Variants in PATJ observed in about 807,000 individuals in gnomAD.
PATJ encodes inaD-like protein.
A neutral mutation model predicts 224.9 loss-of-function variants in PATJ; 190 were observed. That is an observed-to-expected ratio of 0.84 (90% CI 0.75 to 0.95). The LOEUF is 0.95. PATJ is among the 40% of genes least tolerant of loss of function. The pLI, the probability that PATJ is intolerant of heterozygous loss-of-function variation, is 0.00. For synonymous variants in PATJ, 769 were observed against 820.3 expected (o/e 0.94, Z 1.07); for missense variants, 2,121 against 2,270.3 (o/e 0.93, Z 1.34).
At chr1:62,125,254 C>A (rs12131297) in intron 39 of PATJ, among the ~76,000 whole-genome samples, 12,549 of 69,724 alleles carry the variant, frequency 0.18, 1,604 homozygotes, top group East Asian at 0.74. Context: ...AAAAAAAAAA[C>A]AAAAAAAAAC....
Position 61,927,266 on chromosome 1 carries a change from CTT to C in PATJ, c.3571-461_3571-460del, listed in dbSNP as rs1463419844. Among the ~76,000 whole-genome samples, 3 of 152,152 alleles carry C rather than the reference CTT, an allele frequency of 2.0e-5. No homozygotes were observed. In the East Asian group the frequency reaches 5.8e-4, roughly 29 times the overall value. On this transcript the variant is annotated intron_variant, in intron 26 of 43. Coordinates refer to ENST00000642238, the MANE Select transcript of PATJ (RefSeq NM_001350145.3). The stretch of plus-strand genomic sequence containing the variant: ...TAGAAAATCTTGGTATGTCACGTGT[CTT>C]TTAAAGAATAAAATCTGTAACTTCT...
intron 14 of PATJ, among the ~76,000 whole-genome samples, chr1:61,816,012 A>T (rs1278298103): frequency 6.6e-6 from 1 of 152,236 alleles, no homozygotes; most frequent in Non-Finnish European, 1.5e-5. Context: ...GAGCATCAGT[A>T]ATATCGCTTG....
intron 41 of PATJ, among the ~76,000 whole-genome samples, chr1:62,144,830 T>C (rs887225458): frequency 6.9e-6 from 1 of 145,632 alleles, no homozygotes; most frequent in Admixed American, 7.1e-5. Flanking sequence ...TATTCTACTA[T>C]ACCTTTGTTT....
intron 22 of PATJ, among the ~76,000 whole-genome samples, chr1:61,886,395 G>C (rs1668840972): frequency 6.6e-6 from 1 of 152,098 alleles, no homozygotes; most frequent in Non-Finnish European, 1.5e-5. Context: ...GTTTTCCCGG[G>C]GCTTGGCCAC....
At chr1:61,783,423 CTTTTTTT>C (rs79615768) in intron 7 of PATJ, among the ~76,000 whole-genome samples, 6 of 119,234 alleles carry the variant, frequency 5.0e-5, no homozygotes, top group Non-Finnish European at 1.1e-4. Context: ...CTTTTCTTTT[CTTTTTTT>C]TTTTTTTTTT....
chr1:61,996,719 G>A (rs912967166), intron 28 of PATJ, among the ~76,000 whole-genome samples: 33 of 147,694 alleles, frequency 2.2e-4, no homozygotes, highest in Non-Finnish European at 4.3e-4. Flanking sequence ...AATAGAGATA[G>A]GTTCTTTTTT....
chr1:61,869,828 A>C (rs1666049731), intron 20 of PATJ, among the ~76,000 whole-genome samples: 1 of 152,164 alleles, frequency 6.6e-6, no homozygotes, highest in Admixed American at 6.5e-5. Context: ...TTCACCCCTC[A>C]TGGGAGGGGA....
chr1:61,944,256 A>C (rs186198096), intron 27 of PATJ, among the ~76,000 whole-genome samples: 1 of 152,322 alleles, frequency 6.6e-6, no homozygotes, highest in Non-Finnish European at 1.5e-5. Flanking sequence ...GCTTCAGACG[A>C]TTGGTAATAA....
chr1:61,861,736 A>C, intron 19 of PATJ, 69 bp downstream of exon 19: 1 of 659,130 alleles, frequency 1.5e-6, no homozygotes, highest in Non-Finnish European at 2.5e-6. Context: ...AGAAAGAATA[A>C]AAAGAAAATA....
chr1:62,139,825 T>C (rs1667322155), intron 41 of PATJ, among the ~76,000 whole-genome samples: 1 of 151,772 alleles, frequency 6.6e-6, no homozygotes, highest in South Asian at 2.1e-4. Flanking sequence ...AGTGTCACGA[T>C]CATGGCGTGC....
intron 41 of PATJ, among the ~76,000 whole-genome samples, chr1:62,143,857 G>C (rs1667748463): frequency 6.6e-6 from 1 of 152,126 alleles, no homozygotes; most frequent in South Asian, 2.1e-4. Flanking sequence ...CACCATGAGA[G>C]ATGAATGGAA....
At chr1:61,979,723 T>G (rs977759678) in intron 27 of PATJ, among the ~76,000 whole-genome samples, 1 of 150,892 alleles carries the variant, frequency 6.6e-6, no homozygotes, top group East Asian at 1.9e-4. Flanking sequence ...GGAGCCTTCA[T>G]AAGGAAATGA....
intron 30 of PATJ, among the ~76,000 whole-genome samples, chr1:62,044,010 G>A (rs1395928687): frequency 1.3e-5 from 2 of 152,124 alleles, no homozygotes; most frequent in African/African-American, 2.4e-5. Context: ...ACAGGAGTGA[G>A]CCACTGCACC....
At chr1:61,956,130 G>A (rs535850860) in intron 27 of PATJ, among the ~76,000 whole-genome samples, 10 of 152,312 alleles carry the variant, frequency 6.6e-5, no homozygotes, top group Middle Eastern at 3.4e-3. Flanking sequence ...GGCATCACAC[G>A]CTGCCCAGTA....
chr1:61,967,476 A>G (rs1450351035), intron 27 of PATJ, among the ~76,000 whole-genome samples: 1 of 152,250 alleles, frequency 6.6e-6, no homozygotes, highest in African/African-American at 2.4e-5. Context: ...AAAAAAGATA[A>G]GAGTGCTAAG....
intron 30 of PATJ, among the ~76,000 whole-genome samples, chr1:62,043,512 T>C (rs962241614): frequency 3.9e-5 from 6 of 152,206 alleles, no homozygotes; most frequent in Non-Finnish European, 7.3e-5. Context: ...ATAAAAGGCT[T>C]AGCACTATTC....
intron 26 of PATJ, among the ~76,000 whole-genome samples, chr1:61,920,485 C>G (rs1195926202): frequency 6.6e-6 from 1 of 152,098 alleles, no homozygotes; most frequent in African/African-American, 2.4e-5. Flanking sequence ...CCTCTCCTGC[C>G]TCATGGAAAT....
intron 28 of PATJ, among the ~76,000 whole-genome samples, chr1:62,009,314 T>A (rs1200305764): frequency 1.3e-5 from 2 of 152,184 alleles, no homozygotes; most frequent in African/African-American, 4.8e-5. Context: ...TCAGAATAAG[T>A]GAGTCATGTG....
intron 33 of PATJ, among the ~76,000 whole-genome samples, chr1:62,085,116 G>T (rs576556268): frequency 6.6e-6 from 1 of 152,254 alleles, no homozygotes; most frequent in South Asian, 2.1e-4. Context: ...ACAAAAATTA[G>T]CTGGGCATGG....
Sources: gnomAD v4.1 joint callset for allele counts (sites outside exome capture counted in the v4.1 genomes callset) on GRCh38, gnomAD v4.1.1 for gene constraint, MANE v1.5 for transcripts, NCBI Gene and HGNC (gene_info 2026-07-23, HGNC 2026-07-21) for gene names.